Variants in NEXMIF observed in about 807,000 individuals in gnomAD.
The protein encoded by NEXMIF is XLMR protein related to neurite extension.
NEXMIF carries 8 observed loss-of-function variants against 62.1 expected under a neutral mutation model. The ratio of observed to expected loss-of-function variants is 0.13; its 90% CI spans 0.08 to 0.23. NEXMIF has a LOEUF of 0.23. Among genes scored for constraint, NEXMIF ranks in the 10% least tolerant of loss-of-function variants. The pLI is 1.00. For missense variants in NEXMIF, 976 were observed against 1,113.3 expected, an observed-to-expected ratio of 0.88 and a Z score of 1.75; for synonymous variants, 404 against 416.6, an observed-to-expected ratio of 0.97 and a Z score of 0.37.
At chrX:74,797,958 C>T (rs763189368) in intron 1 of NEXMIF, among the ~76,000 whole-genome samples, 2 of 112,040 alleles carry the variant, frequency 1.8e-5, no homozygotes, top group African/African-American at 6.5e-5. Flanking sequence ...ATGAGGGCAA[C>T]GTGAAAGCCA....
chrX:74,767,268 G>C (rs1258068484), intron 1 of NEXMIF, among the ~76,000 whole-genome samples: 1 of 112,449 alleles, frequency 8.9e-6, no homozygotes, highest in Non-Finnish European at 1.9e-5. Flanking sequence ...CAATAGGGCT[G>C]AGATGCAGTA....
chrX:74,753,806 T>C (rs1284411504), intron 1 of NEXMIF, among the ~76,000 whole-genome samples: 1 of 110,827 alleles, frequency 9.0e-6, no homozygotes, highest in African/African-American at 3.3e-5. Flanking sequence ...CAGGATGCAA[T>C]ATAAAGGACT....
intron 1 of NEXMIF, among the ~76,000 whole-genome samples, chrX:74,820,593 G>A (rs1371563628): frequency 9.0e-6 from 1 of 111,548 alleles, no homozygotes; most frequent in East Asian, 2.8e-4. Context: ...GCAAAGATAA[G>A]GAATCAACCT....
intron 1 of NEXMIF, among the ~76,000 whole-genome samples, chrX:74,889,529 A>C (rs2080709685): frequency 8.9e-6 from 1 of 111,770 alleles, no homozygotes; most frequent in South Asian, 3.7e-4. Context: ...TCAGAATCAG[A>C]ATGGACCATA....
intron 1 of NEXMIF, among the ~76,000 whole-genome samples, chrX:74,862,556 G>A (rs186921441): frequency 3.6e-5 from 4 of 111,157 alleles, no homozygotes; most frequent in Admixed American, 1.9e-4. Context: ...GCCACATGGC[G>A]TTTACTCTAA....
chrX:74,814,347 C>T (rs1252021560), intron 1 of NEXMIF, among the ~76,000 whole-genome samples: 1 of 111,817 alleles, frequency 8.9e-6, no homozygotes, highest in Non-Finnish European at 1.9e-5. Context: ...AACAGTGTCC[C>T]TGGAAACAAC....
intron 1 of NEXMIF, among the ~76,000 whole-genome samples, chrX:74,830,811 G>A (rs1032311519): frequency 3.8e-4 from 42 of 111,402 alleles, no homozygotes; most frequent in African/African-American, 1.3e-3. Context: ...TTTATTGGTG[G>A]CTATTATGAA....
At chrX:74,739,924 T>C (rs2080096193) in intron 3 of NEXMIF, 176 bp downstream of exon 3, 1 of 448,237 alleles carries the variant, frequency 2.2e-6, no homozygotes, top group Non-Finnish European at 3.8e-6. Flanking sequence ...GGCTTAAAGG[T>C]ATAGGGATTT....
intron 1 of NEXMIF, among the ~76,000 whole-genome samples, chrX:74,794,108 T>C (rs931840582): frequency 3.8e-5 from 4 of 104,863 alleles, no homozygotes; most frequent in Admixed American, 2.1e-4. Context: ...TTTGTGGTTT[T>C]ATCTACTTTT....
At chrX:74,869,081 A>T in intron 1 of NEXMIF, among the ~76,000 whole-genome samples, 1 of 111,780 alleles carries the variant, frequency 8.9e-6, no homozygotes, top group Admixed American at 9.5e-5. Flanking sequence ...AAAATCCTCA[A>T]CAATATACTA....
At chrX:74,804,795 C>G (rs1320030007) in intron 1 of NEXMIF, among the ~76,000 whole-genome samples, 1 of 111,807 alleles carries the variant, frequency 8.9e-6, no homozygotes, top group Non-Finnish European at 1.9e-5. Flanking sequence ...GCTCTGCGCC[C>G]AGTTCTGCAC....
intron 1 of NEXMIF, among the ~76,000 whole-genome samples, chrX:74,821,449 G>A (rs1288533997): frequency 9.0e-6 from 1 of 111,677 alleles, no homozygotes; most frequent in African/African-American, 3.3e-5. Context: ...TTGGGTCAAT[G>A]ATTCCTGAAA....
chrX:74,834,085 G>C (rs1417994860), intron 1 of NEXMIF, among the ~76,000 whole-genome samples: 8 of 98,509 alleles, frequency 8.1e-5, no homozygotes, highest in Non-Finnish European at 4.0e-5. Context: ...GGTGAGCCAA[G>C]ATTGCACCAT....
At chrX:74,831,158 T>G (rs975381885) in intron 1 of NEXMIF, among the ~76,000 whole-genome samples, 1 of 111,320 alleles carries the variant, frequency 9.0e-6, no homozygotes, top group Non-Finnish European at 1.9e-5. Flanking sequence ...CCTTCAACTT[T>G]TATATATTTT....
chrX:74,883,473 C>T (rs1261011540), intron 1 of NEXMIF, among the ~76,000 whole-genome samples: 1 of 111,377 alleles, frequency 9.0e-6, no homozygotes, highest in Non-Finnish European at 1.9e-5. Flanking sequence ...AGATGAAAAC[C>T]ATGGCATGAG....
chrX:74,820,623 A>G (rs899731023), intron 1 of NEXMIF, among the ~76,000 whole-genome samples: 1 of 111,691 alleles, frequency 9.0e-6, no homozygotes, highest in African/African-American at 3.3e-5. Flanking sequence ...TCGACGGTGG[A>G]CTGGATAAAG....
At chrX:74,839,662 G>A (rs1602246098) in intron 1 of NEXMIF, among the ~76,000 whole-genome samples, 2 of 111,720 alleles carry the variant, frequency 1.8e-5, no homozygotes, top group African/African-American at 3.2e-5. Context: ...GAGAACACGC[G>A]GTATTTGGTT....
At chrX:74,849,788 C>A (rs940450000) in intron 1 of NEXMIF, among the ~76,000 whole-genome samples, 1 of 112,482 alleles carries the variant, frequency 8.9e-6, no homozygotes, top group African/African-American at 3.2e-5. Context: ...CTGGCTGATG[C>A]TGCCAGGGCT....
At chrX:74,766,925 G>A (rs1052438144) in intron 1 of NEXMIF, among the ~76,000 whole-genome samples, 4 of 111,955 alleles carry the variant, frequency 3.6e-5, no homozygotes, top group African/African-American at 1.3e-4. Flanking sequence ...TTGTGCTGCA[G>A]TCCTAGGTCG....
Sources: gnomAD v4.1 joint callset for allele counts (sites outside exome capture counted in the v4.1 genomes callset) on GRCh38, gnomAD v4.1.1 for gene constraint, MANE v1.5 for transcripts, NCBI Gene and HGNC (gene_info 2026-07-23, HGNC 2026-07-21) for gene names.